The following IMPG2 variants were observed in gnomAD, a reference collection of about 807,000 sequenced individuals.
The protein encoded by IMPG2 is interphotoreceptor matrix proteoglycan 2.
In IMPG2, 91 loss-of-function variants were observed where a neutral mutation model predicts 129.2. That is an observed-to-expected ratio of 0.70 (90% CI 0.59 to 0.84). The LOEUF (loss-of-function observed/expected upper bound fraction) is 0.84. Among genes scored for constraint, IMPG2 ranks in the 40% least tolerant of loss-of-function variants. The pLI is 0.00. For synonymous variants in IMPG2, 510 were observed against 517.7 expected (o/e 0.99, Z 0.20); for missense variants, 1,430 against 1,461.7 (o/e 0.98, Z 0.35).
chr3:101,243,422 ACAG>A (rs1706431459), intron 13 of IMPG2, 104 bp downstream of exon 13: 2 of 958,260 alleles, frequency 2.1e-6, no homozygotes, highest in African/African-American at 1.6e-5. Context: ...GTGAATGTTC[ACAG>A]CAGATCACAC....
At chr3:101,262,089 T>A (rs187362748) in intron 9 of IMPG2, among the ~76,000 whole-genome samples, 110 of 152,226 alleles carry the variant, frequency 7.2e-4, no homozygotes, top group African/African-American at 2.5e-3. Flanking sequence ...CATATATTTT[T>A]AAAAAATTAA....
intron 2 of IMPG2, among the ~76,000 whole-genome samples, chr3:101,310,536 G>T (rs1160869556): frequency 6.9e-6 from 1 of 144,610 alleles, no homozygotes; most frequent in East Asian, 2.0e-4. Flanking sequence ...CCTCAGCCTG[G>T]GTGACAAAGT....
intron 3 of IMPG2, among the ~76,000 whole-genome samples, chr3:101,294,921 C>T (rs1707061867): frequency 1.3e-5 from 2 of 152,208 alleles, no homozygotes; most frequent in South Asian, 4.1e-4. Flanking sequence ...ATCCTATGCC[C>T]ACTTTTTGAT....
chr3:101,275,853 G>A, intron 5 of IMPG2, 108 bp from the exon 6 acceptor site: 2 of 824,396 alleles, frequency 2.4e-6, no homozygotes, highest in Non-Finnish European at 4.1e-6. Flanking sequence ...TAAATAGTTT[G>A]TTTTATTGTC....
At chr3:101,273,028 A>C (rs372879862) in intron 7 of IMPG2, among the ~76,000 whole-genome samples, 4 of 152,304 alleles carry the variant, frequency 2.6e-5, no homozygotes, top group South Asian at 2.1e-4. Context: ...CAGAAAGTGA[A>C]GTTATGGGAT....
chr3:101,291,395 C>T (rs1707007658), intron 4 of IMPG2, 84 bp downstream of exon 4: 2 of 1,115,054 alleles, frequency 1.8e-6, no homozygotes, highest in South Asian at 1.2e-5. Context: ...TAGAAAGGCA[C>T]CATTAAATTT....
At chr3:101,266,708 T>C (rs1706724425) in intron 9 of IMPG2, among the ~76,000 whole-genome samples, 1 of 152,200 alleles carries the variant, frequency 6.6e-6, no homozygotes, top group Admixed American at 6.5e-5. Flanking sequence ...TGATGCCAGC[T>C]GTGCTCCTGT....
Position 101,244,878 on chromosome 3 carries a change from T to C in IMPG2, c.1544-91A>G. ...TAAAACTAGTTGCCTGTTTTTTCCC[T>C]GTGAAGTTAAGAGGGACAATTGTTG... On this transcript the variant is annotated intron_variant, in intron 12 of 18. Transcript: ENST00000193391. 3.6e-6 allele frequency: 4 copies of C among 1,114,568 alleles called. No homozygotes were observed. In the South Asian group the frequency reaches 5.3e-5, roughly 15 times the overall value. The allele number at this position is 1,114,568 out of a possible 1,614,324, so 69.0% of individuals were successfully genotyped here. A position where few individuals can be genotyped will look rare whatever the true frequency, so the allele number is the denominator to read the frequency against.
intron 4 of IMPG2, among the ~76,000 whole-genome samples, chr3:101,290,586 C>A (rs1379426342): frequency 1.3e-5 from 2 of 152,078 alleles, no homozygotes; most frequent in Non-Finnish European, 2.9e-5. Flanking sequence ...AGTAAATGCT[C>A]AATCCCACAC....
intron 11 of IMPG2, among the ~76,000 whole-genome samples, chr3:101,247,097 TA>T (rs11435767): frequency 0.035 from 5,019 of 142,860 alleles, 227 homozygotes; most frequent in African/African-American, 0.11. Flanking sequence ...CATTGTCTCT[TA>T]AAAAAAAAAA....
chr3:101,229,906 T>C (rs1222602082), intron 16 of IMPG2, among the ~76,000 whole-genome samples: 1 of 152,236 alleles, frequency 6.6e-6, no homozygotes, highest in Non-Finnish European at 1.5e-5. Context: ...AACTGTAGCT[T>C]CATCATTCCC....
rs1469387231 is a variant in IMPG2, at chr3:101,304,246, T to C, written c.401A>G (p.Tyr134Cys). ...CTCACACAAATTCATCCAGTAATGATATTCCTCACGCCCAGGAAGTCGATC... is the reference window on the plus strand; with the variant it reads ...CTCACACAAATTCATCCAGTAATGACATTCCTCACGCCCAGGAAGTCGATC... ...FWDRLPGREE[Y>C]HYWMNLCEDG... Residue 134 changes from tyrosine to cysteine, a missense_variant, in exon 3 of 19, where the codon TAT becomes TGT. Transcript: ENST00000193391. The C allele has an allele frequency of 6.2e-7, 1 of 1,613,960 alleles. No homozygotes were observed. The highest frequency in any genetic ancestry group is 1.6e-4 in the Middle Eastern group (1 of 6,062).
Position 101,319,753 on chromosome 3 carries a change from G to A in IMPG2, c.165C>T (p.Asp55=), listed in dbSNP as rs145388804. 2.5e-5 allele frequency: 41 copies of A among 1,613,460 alleles called. No individual in the cohort carries two copies. Among genetic ancestry groups the A allele is most frequent in the East Asian group, 2.2e-5 (1 of 44,876 alleles). Reference sequence around the variant, plus strand: ...GTTTCTTTTTGGTAGCTAGAGAAAGGTCTGTTGATTCTTCAGGCAGGAGAA... The same window carrying A: ...GTTTCTTTTTGGTAGCTAGAGAAAGATCTGTTGATTCTTCAGGCAGGAGAA... ...VSFLLPEEST[D]LSLATKKKQP... Residue 55 remains aspartate (D), a synonymous_variant, in exon 2 of 19, where the codon GAC becomes GAT. Coordinates refer to ENST00000193391, the MANE Select transcript of IMPG2 (RefSeq NM_016247.4).
intron 14 of IMPG2, among the ~76,000 whole-genome samples, chr3:101,240,042 A>G (rs931032488): frequency 6.6e-6 from 1 of 152,050 alleles, no homozygotes; most frequent in African/African-American, 2.4e-5. Context: ...CGTTCTACAC[A>G]TGTATCCCAG....
At chr3:101,227,002 G>A in intron 18 of IMPG2, 21 bp from the exon 19 acceptor site, 1 of 1,612,584 alleles carries the variant, frequency 6.2e-7, no homozygotes, top group South Asian at 1.1e-5. Flanking sequence ...AACACAAAGA[G>A]CAATTCAGTA....
Position 101,226,832 on chromosome 3 carries a change from T to C in IMPG2, c.*137A>G, listed in dbSNP as rs1706229853. 1.2e-6 allele frequency: 1 copy of C among 825,986 alleles called. No individual in the cohort carries two copies. The highest frequency in any genetic ancestry group is 2.5e-5 in the Admixed American group (1 of 40,736). 51.2% of individuals were successfully genotyped at this position (825,986 alleles called of 1,614,324 possible). On this transcript the variant is annotated 3_prime_UTR_variant, in exon 19 of 19. Coordinates refer to ENST00000193391, the MANE Select transcript of IMPG2 (RefSeq NM_016247.4). ...AAAACTTAAGCTGAAAAAAAAACAG[T>C]GTGCCCTATATTTAATTTTTTCATA... is the stretch of plus-strand genomic sequence containing the variant.
chr3:101,263,330 T>A (rs1022312383), intron 9 of IMPG2, among the ~76,000 whole-genome samples: 11 of 151,932 alleles, frequency 7.2e-5, no homozygotes, highest in East Asian at 3.9e-4. Flanking sequence ...TCTCAAAAAA[T>A]TTTTTTATCA....
intron 1 of IMPG2, 121 bp from the exon 2 acceptor site, chr3:101,319,953 G>A (rs2107149112): frequency 2.0e-6 from 2 of 1,000,066 alleles, no homozygotes; most frequent in Admixed American, 4.0e-5. Context: ...CAAATCATAG[G>A]CAGGCATGCA....
intron 7 of IMPG2, among the ~76,000 whole-genome samples, chr3:101,272,106 C>T (rs1437408958): frequency 1.3e-5 from 2 of 151,556 alleles, no homozygotes; most frequent in African/African-American, 4.9e-5. Flanking sequence ...CACGCACACA[C>T]ACACACACAC....
Sources: allele counts gnomAD v4.1 joint callset (sites outside exome capture counted in the v4.1 genomes callset), GRCh38; gene constraint gnomAD v4.1.1; transcripts MANE v1.5; gene names NCBI Gene and HGNC (gene_info 2026-07-23, HGNC 2026-07-21).